SVOP: variants seen among roughly 807,000 people sequenced by gnomAD.
SVOP encodes the protein synaptic vesicle 2-related protein.
A neutral mutation model predicts 69.1 loss-of-function variants in SVOP; 17 were observed. That is an observed-to-expected ratio of 0.25 (90% CI 0.17 to 0.37). SVOP has a LOEUF of 0.37. SVOP is among the 10% of genes least tolerant of loss of function. The pLI is 1.00. For missense variants in SVOP, 435 were observed against 597.5 expected, an observed-to-expected ratio of 0.73 and a Z score of 2.84; for synonymous variants, 238 against 238.6, an observed-to-expected ratio of 1.00 and a Z score of 0.02.
At position 108,978,662 on chromosome 12, in the gene SVOP, A is replaced by G. The variant is rs1465237824; in HGVS notation, c.198T>C (p.Asp66=). Residue 66 remains aspartate, a splice_region_variant and synonymous_variant, in exon 3 of 16, where the codon GAT becomes GAC. Coordinates refer to ENST00000610966, the MANE Select transcript of SVOP (RefSeq NM_018711.5). The stretch of plus-strand genomic sequence containing the variant: ...CCACTGCATCTTCCACCATGAAAGT[A>G]TCTGGGAAGGAGAAAGGGAGAGGGA... ...VPKEFANPTD[D]TFMVEDAVEA... 5.7e-6 allele frequency: 4 copies of G among 703,858 alleles called. No homozygotes were observed. The highest frequency in any genetic ancestry group is 5.4e-5 in the East Asian group (2 of 37,284). 43.6% of individuals were successfully genotyped at this position (703,858 alleles called of 1,614,324 possible). A position where few individuals can be genotyped will look rare whatever the true frequency, so the allele number is the denominator to read the frequency against.
At chr12:108,922,643 A>G (rs749364571) in intron 12 of SVOP, 47 bp downstream of exon 12, 1 of 1,426,726 alleles carries the variant, frequency 7.0e-7, no homozygotes, top group Non-Finnish European at 9.7e-7. Flanking sequence ...CAATTGCCAT[A>G]TTCCCAGGCT....
chr12:108,913,897 C>A (rs1442632106), intron 15 of SVOP, among the ~76,000 whole-genome samples: 1 of 152,170 alleles, frequency 6.6e-6, no homozygotes, highest in African/African-American at 2.4e-5. Flanking sequence ...GTAATCTGCC[C>A]ACCTCAGCCT....
At chr12:108,913,440 A>G (rs933528994) in intron 15 of SVOP, among the ~76,000 whole-genome samples, 2 of 152,132 alleles carry the variant, frequency 1.3e-5, no homozygotes, top group African/African-American at 4.8e-5. Context: ...CTTCATCCCC[A>G]TTTTACAAAG....
rs956973013 is a variant in SVOP, at chr12:108,937,181, A to G, written c.971+83T>C. Reference sequence around the variant, plus strand: ...AAACGCTGCCTGAAATCAAAGTGCTATCTGTCCATTGCATTAAAACAAAAC... The same window carrying G: ...AAACGCTGCCTGAAATCAAAGTGCTGTCTGTCCATTGCATTAAAACAAAAC... On this transcript the variant is annotated intron_variant, in intron 10 of 15. Coordinates refer to ENST00000610966, the MANE Select transcript of SVOP (RefSeq NM_018711.5). 5.1e-6 allele frequency: 7 copies of G among 1,373,644 alleles called. No homozygotes were observed. The African/African-American group carries it at 8.6e-5, about 17-fold the overall frequency. 85.1% of individuals were successfully genotyped at this position (1,373,644 alleles called of 1,614,324 possible).
At position 108,911,773 on chromosome 12, in the gene SVOP, A is replaced by T. The variant is rs1239103372; in HGVS notation, c.*762T>A. On this transcript the variant is annotated 3_prime_UTR_variant, in exon 16 of 16. Coordinates refer to ENST00000610966, the MANE Select transcript of SVOP (RefSeq NM_018711.5). The stretch of plus-strand genomic sequence containing the variant: ...GAACCGTGGCCTTCGCTGCTTCAGA[A>T]GGGGAGGCCCGTGCTCTGACTTCAG... The T allele has an allele frequency of 2.0e-5, 3 of 152,252 alleles. No individual in the cohort carries two copies. The highest frequency in any genetic ancestry group is 7.2e-5 in the African/African-American group (3 of 41,448). 9.4% of individuals were successfully genotyped at this position (152,252 alleles called of 1,614,324 possible).
At chr12:108,952,004 T>G (rs535028051) in intron 6 of SVOP, among the ~76,000 whole-genome samples, 7 of 152,292 alleles carry the variant, frequency 4.6e-5, no homozygotes, top group Admixed American at 2.0e-4. Flanking sequence ...GGCTTCTTCT[T>G]GCTGCCTTTG....
chr12:108,934,884 C>T (rs929772996), intron 10 of SVOP, among the ~76,000 whole-genome samples: 1 of 152,228 alleles, frequency 6.6e-6, no homozygotes, highest in Non-Finnish European at 1.5e-5. Context: ...AATGGGCAAC[C>T]AGGAGCCCTT....
At chr12:108,979,597 A>G (rs551731142) in intron 2 of SVOP, among the ~76,000 whole-genome samples, 2 of 152,248 alleles carry the variant, frequency 1.3e-5, no homozygotes, top group South Asian at 4.1e-4. Context: ...AGATGTGCAC[A>G]CTATATTGTT....
At chr12:108,921,358 T>C (rs1593177181) in intron 12 of SVOP, among the ~76,000 whole-genome samples, 1 of 152,206 alleles carries the variant, frequency 6.6e-6, no homozygotes, top group Non-Finnish European at 1.5e-5. Context: ...AGTATCATAG[T>C]TGGGTTTTCC....
At chr12:108,969,362 C>T (rs534082191) in intron 5 of SVOP, among the ~76,000 whole-genome samples, 9 of 122,184 alleles carry the variant, frequency 7.4e-5, no homozygotes, top group Non-Finnish European at 1.3e-4. Context: ...CTCCTTTCTT[C>T]TTTCCCCCTT....
chr12:108,992,254 A>T (rs1407836140), intron 1 of SVOP, among the ~76,000 whole-genome samples: 2 of 150,362 alleles, frequency 1.3e-5, no homozygotes, highest in Non-Finnish European at 3.0e-5. Context: ...AAAAAAAAAA[A>T]GTCCTCAGGG....
At chr12:109,010,844 G>A (rs2040337519) in intron 1 of SVOP, among the ~76,000 whole-genome samples, 1 of 152,056 alleles carries the variant, frequency 6.6e-6, no homozygotes, top group Non-Finnish European at 1.5e-5. Context: ...ATTCTTCAGA[G>A]GTGAAGCTGG....
At chr12:108,943,592 T>C (rs2039904994) in intron 7 of SVOP, among the ~76,000 whole-genome samples, 1 of 86,550 alleles carries the variant, frequency 1.2e-5, no homozygotes, top group African/African-American at 4.0e-5. Flanking sequence ...AGAGAAACTC[T>C]GTCTCACAAA....
chr12:108,983,711 G>A lies in SVOP; in HGVS notation c.86C>T (p.Thr29Met), dbSNP rs1197281561. 7 of 398,708 alleles carry A rather than the reference G, an allele frequency of 1.8e-5. No homozygotes were observed. In the Admixed American group the frequency reaches 1.8e-4, roughly 10 times the overall value. The allele number at this position is 398,708 out of a possible 1,614,324, so 24.7% of individuals were successfully genotyped here. A position where few individuals can be genotyped will look rare whatever the true frequency, so the allele number is the denominator to read the frequency against. Residue 29 changes from threonine (T) to methionine (M), a missense_variant, in exon 2 of 16, where the codon ACG becomes ATG. By Grantham distance (81) the Thr-to-Met change is moderately conservative. Coordinates refer to ENST00000610966, the MANE Select transcript of SVOP (RefSeq NM_018711.5). ...CTGGACTTCATGCTCTCCTGAAGCCGTGTCGTCCTCTGACCTTGCACTCTC... is the reference window on the plus strand; with the variant it reads ...CTGGACTTCATGCTCTCCTGAAGCCATGTCGTCCTCTGACCTTGCACTCTC... ...TGESARSEDDTASGEHEVQIE... is the reference protein window; with the variant it reads ...TGESARSEDDMASGEHEVQIE...
chr12:108,923,344 C>A (rs1405135430), intron 11 of SVOP, among the ~76,000 whole-genome samples: 1 of 142,522 alleles, frequency 7.0e-6, no homozygotes, highest in Admixed American at 6.7e-5. Context: ...ATGTAGGTGG[C>A]CTATGTGGTG....
chr12:108,951,572 G>A (rs560777958), intron 6 of SVOP, among the ~76,000 whole-genome samples: 15 of 152,238 alleles, frequency 9.9e-5, no homozygotes, highest in African/African-American at 3.6e-4. Flanking sequence ...ATTAATCTGG[G>A]ATTCTACATG....
At chr12:108,982,118 T>C (rs995055502) in intron 2 of SVOP, among the ~76,000 whole-genome samples, 43 of 151,026 alleles carry the variant, frequency 2.8e-4, no homozygotes, top group African/African-American at 1.0e-3. Flanking sequence ...GTAACCACCA[T>C]CTTCATCATC....
intron 1 of SVOP, 49 bp from the exon 2 acceptor site, chr12:108,983,810 T>C (rs1012127458): frequency 1.5e-5 from 6 of 398,630 alleles, no homozygotes; most frequent in Non-Finnish European, 1.8e-5. Context: ...TTCCCCCAAA[T>C]GGCCTTGCTG....
At chr12:108,940,704 C>T in intron 8 of SVOP, 80 bp downstream of exon 8, 1 of 1,504,346 alleles carries the variant, frequency 6.6e-7, no homozygotes, top group South Asian at 1.2e-5. Context: ...TGGTATCCTT[C>T]CCTATCCCCT....
Sources: allele counts gnomAD v4.1 joint callset (sites outside exome capture counted in the v4.1 genomes callset), GRCh38; gene constraint gnomAD v4.1.1; transcripts MANE v1.5; gene names NCBI Gene and HGNC (gene_info 2026-07-23, HGNC 2026-07-21).